ADAMTS3: variants seen among roughly 807,000 people sequenced by gnomAD.
The protein encoded by ADAMTS3 is ADAM metallopeptidase with thrombospondin type 1 motif 3.
Under a neutral mutation model 129.0 loss-of-function variants are expected in ADAMTS3, and 73 were observed. The ratio of observed to expected loss-of-function variants is 0.57; its 90% CI spans 0.47 to 0.69. The LOEUF is 0.69. Among genes scored for constraint, ADAMTS3 ranks in the 30% least tolerant of loss-of-function variants. The probability of loss-of-function intolerance (pLI) is 0.00; values close to 1 mark genes in which losing one functional copy is unlikely to be tolerated. For synonymous variants in ADAMTS3, 477 were observed against 510.8 expected (o/e 0.93, Z 0.89); for missense variants, 1,457 against 1,514.5 (o/e 0.96, Z 0.63).
chr4:72,420,971 A>G (rs1346025465), intron 3 of ADAMTS3, among the ~76,000 whole-genome samples: 1 of 152,232 alleles, frequency 6.6e-6, no homozygotes, highest in Admixed American at 6.5e-5. Flanking sequence ...GATTTGGGAT[A>G]CATCTTCTCA....
At position 72,401,494 on chromosome 4, in the gene ADAMTS3, G is replaced by A. The variant is rs574503194; in HGVS notation, c.661+13321C>T. 2.5e-3 allele frequency among the ~76,000 whole-genome samples: 374 copies of A among 150,474 alleles called. 1 individual carries two copies. The highest frequency in any genetic ancestry group is 4.4e-3 in the Non-Finnish European group (296 of 67,556). On this transcript the variant is annotated intron_variant, in intron 4 of 21. Transcript: ENST00000286657. Reference sequence around the variant, plus strand: ...AGGTAGGAGAATCACTTGAACTGGGGGGGTGGAGGTTGCAGTGGGCTGAGA... The same window carrying A: ...AGGTAGGAGAATCACTTGAACTGGGAGGGTGGAGGTTGCAGTGGGCTGAGA...
At chr4:72,459,912 C>A (rs1200922121) in intron 3 of ADAMTS3, among the ~76,000 whole-genome samples, 1 of 151,488 alleles carries the variant, frequency 6.6e-6, no homozygotes, top group Non-Finnish European at 1.5e-5. Flanking sequence ...TAACCTTATA[C>A]AATTTTTAAA....
chr4:72,560,146 T>TGCTCTCAAA (rs1721867591), intron 2 of ADAMTS3, among the ~76,000 whole-genome samples: 1 of 148,696 alleles, frequency 6.7e-6, no homozygotes, highest in South Asian at 2.1e-4. Context: ...AAATTGAAAC[T>TGCTCTCAAA]GGACCCCTTC....
chr4:72,336,161 A>G (rs772242501), intron 5 of ADAMTS3, among the ~76,000 whole-genome samples: 3 of 152,196 alleles, frequency 2.0e-5, no homozygotes, highest in Non-Finnish European at 2.9e-5. Flanking sequence ...GGCAAAGTTG[A>G]CCAACAATTT....
chr4:72,455,620 TAAA>T (rs71215432), intron 3 of ADAMTS3, among the ~76,000 whole-genome samples: 7 of 134,766 alleles, frequency 5.2e-5, no homozygotes, highest in Admixed American at 1.6e-4. Flanking sequence ...CTTAAAGTAT[TAAA>T]AAAAAAAAAA....
intron 4 of ADAMTS3, among the ~76,000 whole-genome samples, chr4:72,367,573 A>C (rs1720898943): frequency 6.6e-6 from 1 of 152,330 alleles, no homozygotes; most frequent in Admixed American, 6.5e-5. Flanking sequence ...TGAATTTAAA[A>C]TATACATTTT....
At chr4:72,328,703 A>T (rs563532205) in intron 5 of ADAMTS3, among the ~76,000 whole-genome samples, 65 of 152,296 alleles carry the variant, frequency 4.3e-4, no homozygotes, top group African/African-American at 1.5e-3. Context: ...TATAAAAAAA[A>T]ATTAGCAGTA....
chr4:72,536,984 A>T (rs959144625), intron 3 of ADAMTS3, among the ~76,000 whole-genome samples: 8 of 152,232 alleles, frequency 5.3e-5, no homozygotes, highest in Non-Finnish European at 1.2e-4. Flanking sequence ...AAGCACCAAG[A>T]ATTTCCCCAC....
At chr4:72,485,236 T>C (rs1025403059) in intron 3 of ADAMTS3, among the ~76,000 whole-genome samples, 7 of 152,192 alleles carry the variant, frequency 4.6e-5, no homozygotes, top group Non-Finnish European at 7.3e-5. Context: ...AATATACTGT[T>C]TTTGTGTATT....
chr4:72,390,563 T>G (rs1402085437), intron 4 of ADAMTS3, among the ~76,000 whole-genome samples: 1 of 152,198 alleles, frequency 6.6e-6, no homozygotes, highest in Non-Finnish European at 1.5e-5. Context: ...TCATACTTTA[T>G]GAAAACATAA....
chr4:72,319,304 C>T (rs760779487), intron 9 of ADAMTS3, 28 bp downstream of exon 9: 1 of 1,612,626 alleles, frequency 6.2e-7, no homozygotes, highest in Non-Finnish European at 8.5e-7. Flanking sequence ...AAAATAAATA[C>T]TTTCATGACA....
At chr4:72,401,566 C>CAAAAAAAAAACAA (rs1721919582) in intron 4 of ADAMTS3, among the ~76,000 whole-genome samples, 1 of 37,054 alleles carries the variant, frequency 2.7e-5, no homozygotes. Flanking sequence ...TACTCTGTCT[C>CAAAAAAAAAACAA]AAAAAAAAAA....
chr4:72,444,954 T>C (rs1435470875), intron 3 of ADAMTS3, among the ~76,000 whole-genome samples: 8 of 151,646 alleles, frequency 5.3e-5, no homozygotes, highest in Non-Finnish European at 1.2e-4. Context: ...AAAACCCACA[T>C]ATTGTACGCA....
chr4:72,516,461 A>G (rs370969419), intron 3 of ADAMTS3, among the ~76,000 whole-genome samples: 52 of 152,120 alleles, frequency 3.4e-4, no homozygotes, highest in African/African-American at 1.2e-3. Context: ...ATTCTTCCTA[A>G]CCATGAGCAT....
At chr4:72,417,366 G>A (rs1237695080) in intron 3 of ADAMTS3, among the ~76,000 whole-genome samples, 3 of 152,160 alleles carry the variant, frequency 2.0e-5, no homozygotes, top group Admixed American at 2.0e-4. Flanking sequence ...ATTAGCCCAT[G>A]GGTCTTTTGA....
intron 3 of ADAMTS3, among the ~76,000 whole-genome samples, chr4:72,480,637 T>C (rs1173075383): frequency 6.6e-6 from 1 of 151,656 alleles, no homozygotes; most frequent in African/African-American, 2.4e-5. Context: ...ATGGCACATG[T>C]ATACATATGT....
In ADAMTS3 at chr4:72,367,091, T is replaced by G. The variant is rs190423074; in HGVS notation, c.662-27398A>C. On this transcript the variant is annotated intron_variant, in intron 4 of 21. Coordinates refer to ENST00000286657, the MANE Select transcript of ADAMTS3 (RefSeq NM_014243.3). ...TAGTTTGATTTTAAAGACACATTTT[T>G]CAGCAAATTCTGATATTTTCAGAAT... Among the ~76,000 whole-genome samples, 4 of 152,332 alleles carry G rather than the reference T, an allele frequency of 2.6e-5. No individual in the cohort carries two copies. In the East Asian group the frequency reaches 7.7e-4, roughly 29 times the overall value.
chr4:72,360,370 T>C (rs1008452072), intron 4 of ADAMTS3, among the ~76,000 whole-genome samples: 7 of 152,160 alleles, frequency 4.6e-5, no homozygotes, highest in Admixed American at 2.0e-4. Context: ...AATTCTACAA[T>C]AATTAACCAA....
intron 4 of ADAMTS3, among the ~76,000 whole-genome samples, chr4:72,377,543 T>C (rs974761531): frequency 3.3e-5 from 5 of 152,186 alleles, no homozygotes; most frequent in Non-Finnish European, 7.4e-5. Context: ...GAAGACACAG[T>C]AGTCCCAGTA....
Sources: gnomAD v4.1 joint callset for allele counts (sites outside exome capture counted in the v4.1 genomes callset) on GRCh38, gnomAD v4.1.1 for gene constraint, MANE v1.5 for transcripts, NCBI Gene and HGNC (gene_info 2026-07-23, HGNC 2026-07-21) for gene names.